The following MGAT4C variants were observed in gnomAD, a reference collection of about 807,000 sequenced individuals.
MGAT4C encodes MGAT4 family member C, also known as alpha-1,3-mannosyl-glycoprotein 4-beta-N-acetylglucosaminyltransferase C.
In MGAT4C, 19 loss-of-function variants were observed where a neutral mutation model predicts 40.1. The observed-to-expected ratio is 0.47, with a 90% CI of 0.33 to 0.70. The LOEUF (loss-of-function observed/expected upper bound fraction) is 0.70. Among genes scored for constraint, MGAT4C ranks in the 30% least tolerant of loss-of-function variants. The probability of loss-of-function intolerance (pLI) is 0.02; values close to 1 mark genes in which losing one functional copy is unlikely to be tolerated. For missense variants in MGAT4C, 491 were observed against 563.2 expected (o/e 0.87, Z 1.30); for synonymous variants, 181 against 187.1 (o/e 0.97, Z 0.27).
At chr12:86,380,607 T>G (rs1246582956) in intron 3 of MGAT4C, among the ~76,000 whole-genome samples, 1 of 152,108 alleles carries the variant, frequency 6.6e-6, no homozygotes, top group East Asian at 1.9e-4. Context: ...CATGATTAGA[T>G]CAAAATTCAA....
chr12:86,135,716 G>A (rs1395618755), intron 1 of MGAT4C, among the ~76,000 whole-genome samples: 1 of 152,142 alleles, frequency 6.6e-6, no homozygotes, highest in Admixed American at 6.6e-5. Context: ...ATTAGAATCT[G>A]TCCCTTAGAG....
intron 2 of MGAT4C, among the ~76,000 whole-genome samples, chr12:86,578,135 T>G (rs995085464): frequency 6.6e-6 from 1 of 151,666 alleles, no homozygotes; most frequent in Non-Finnish European, 1.5e-5. Context: ...GACCTATCTG[T>G]GTGGTAAGGG....
intron 1 of MGAT4C, among the ~76,000 whole-genome samples, chr12:86,081,415 T>C (rs923566416): frequency 6.6e-6 from 1 of 152,186 alleles, no homozygotes; most frequent in East Asian, 1.9e-4. Context: ...CTCATTTTAA[T>C]CTCCTATAGA....
At chr12:86,644,794 A>G (rs1220752078) in intron 2 of MGAT4C, among the ~76,000 whole-genome samples, 1 of 151,778 alleles carries the variant, frequency 6.6e-6, no homozygotes, top group Non-Finnish European at 1.5e-5. Context: ...CATGTTATTA[A>G]TTTAATTAAA....
At chr12:86,076,866 T>G (rs1239321247) in intron 1 of MGAT4C, among the ~76,000 whole-genome samples, 1 of 151,944 alleles carries the variant, frequency 6.6e-6, no homozygotes, top group African/African-American at 2.4e-5. Flanking sequence ...CAATAAGCCA[T>G]CTGCAGGCTG....
At chr12:86,276,618 A>G (rs1566251906) in intron 4 of MGAT4C, among the ~76,000 whole-genome samples, 2 of 152,108 alleles carry the variant, frequency 1.3e-5, no homozygotes, top group Admixed American at 6.5e-5. Context: ...CCATCCTTCT[A>G]CTTTCTATCT....
chr12:86,506,677 C>A (rs1958477576), intron 2 of MGAT4C, among the ~76,000 whole-genome samples: 1 of 152,128 alleles, frequency 6.6e-6, no homozygotes, highest in Non-Finnish European at 1.5e-5. Flanking sequence ...AATAGCTTAA[C>A]CACATAGATA....
intron 4 of MGAT4C, among the ~76,000 whole-genome samples, chr12:86,295,613 G>A (rs547504539): frequency 6.6e-6 from 1 of 152,304 alleles, no homozygotes; most frequent in East Asian, 1.9e-4. Context: ...GGCTCTGGCA[G>A]CCTGCTTTTA....
At chr12:86,783,447 G>C (rs940199543) in intron 1 of MGAT4C, among the ~76,000 whole-genome samples, 1 of 152,034 alleles carries the variant, frequency 6.6e-6, no homozygotes, top group Non-Finnish European at 1.5e-5. Context: ...TGAACTCATA[G>C]AGCTTCTTAT....
intron 3 of MGAT4C, among the ~76,000 whole-genome samples, chr12:85,984,080 C>T (rs1181261019): frequency 6.6e-6 from 1 of 152,104 alleles, no homozygotes; most frequent in Non-Finnish European, 1.5e-5. Flanking sequence ...ACCATATTGC[C>T]TGATTTACTC....
intron 3 of MGAT4C, among the ~76,000 whole-genome samples, chr12:86,429,292 T>C (rs1051376899): frequency 5.3e-5 from 8 of 152,164 alleles, no homozygotes; most frequent in Non-Finnish European, 1.2e-4. Context: ...CTGTTATGAA[T>C]TTTGTTTCAA....
At chr12:86,085,697 AAAAC>A (rs1400182824) in intron 1 of MGAT4C, among the ~76,000 whole-genome samples, 3 of 152,152 alleles carry the variant, frequency 2.0e-5, no homozygotes, top group Non-Finnish European at 2.9e-5. Context: ...TTACAAGAAA[AAAAC>A]AAACAACCAT....
At position 86,123,108 on chromosome 12, in the gene MGAT4C, G is replaced by C. The variant is rs756108627; in HGVS notation, c.-56-73385C>G. On this transcript the variant is annotated intron_variant, in intron 1 of 4. Coordinates refer to ENST00000611864, the MANE Select transcript of MGAT4C (RefSeq NM_001351288.2). Reference sequence around the variant, plus strand: ...CTCTGCTGTATGTGCTGAATGCAAAGTGCCGACCCTCCCAGAAATTACTTT... The same window carrying C: ...CTCTGCTGTATGTGCTGAATGCAAACTGCCGACCCTCCCAGAAATTACTTT... Among the ~76,000 whole-genome samples, 6 of 152,226 alleles carry C rather than the reference G, an allele frequency of 3.9e-5. No homozygotes were observed. The East Asian group carries it at 1.2e-3, about 29-fold the overall frequency.
At chr12:86,587,560 T>A (rs964474323) in intron 2 of MGAT4C, among the ~76,000 whole-genome samples, 10 of 152,090 alleles carry the variant, frequency 6.6e-5, no homozygotes, top group African/African-American at 2.4e-4. Flanking sequence ...ATTTTCACGA[T>A]ATTCATTCTT....
chr12:86,628,352 A>G (rs1392647752), intron 2 of MGAT4C, among the ~76,000 whole-genome samples: 3 of 152,216 alleles, frequency 2.0e-5, no homozygotes, highest in Non-Finnish European at 2.9e-5. Flanking sequence ...AACTTCCCCA[A>G]CCTAGCAAGT....
At chr12:86,732,593 C>T (rs1313365285) in intron 1 of MGAT4C, among the ~76,000 whole-genome samples, 1 of 152,048 alleles carries the variant, frequency 6.6e-6, no homozygotes, top group Non-Finnish European at 1.5e-5. Context: ...AGAGTTCGGA[C>T]TCCTGTGAGA....
At chr12:86,108,037 A>AC (rs2135626082) in intron 1 of MGAT4C, among the ~76,000 whole-genome samples, 1 of 152,240 alleles carries the variant, frequency 6.6e-6, no homozygotes, top group South Asian at 2.1e-4. Context: ...GAAAAGCTTA[A>AC]CCCTCTAGAG....
chr12:86,423,063 T>C (rs1371892268), intron 3 of MGAT4C, among the ~76,000 whole-genome samples: 1 of 152,134 alleles, frequency 6.6e-6, no homozygotes, highest in African/African-American at 2.4e-5. Context: ...GAGATGCAAG[T>C]AGAATTAGAA....
At chr12:86,473,106 C>T (rs1957779561) in intron 2 of MGAT4C, among the ~76,000 whole-genome samples, 1 of 152,090 alleles carries the variant, frequency 6.6e-6, no homozygotes, top group Non-Finnish European at 1.5e-5. Flanking sequence ...CAAGCATACG[C>T]CTCCACGTCC....
Sources: gnomAD v4.1 joint callset for allele counts (sites outside exome capture counted in the v4.1 genomes callset) on GRCh38, gnomAD v4.1.1 for gene constraint, MANE v1.5 for transcripts, NCBI Gene and HGNC (gene_info 2026-07-23, HGNC 2026-07-21) for gene names.